Variants in MAP3K7CL observed in about 807,000 individuals in gnomAD.
MAP3K7CL encodes MAP3K7 C-terminal like.
In MAP3K7CL, 16 loss-of-function variants were observed where a neutral mutation model predicts 18.6. The observed-to-expected ratio is 0.86, with a 90% CI of 0.58 to 1.31. MAP3K7CL has a LOEUF of 1.31. MAP3K7CL is among the 50% of genes most tolerant of loss of function. The pLI is 0.00. For synonymous variants in MAP3K7CL, 65 were observed against 66.8 expected, an observed-to-expected ratio of 0.97 and a Z score of 0.13; for missense variants, 163 against 174.4, an observed-to-expected ratio of 0.93 and a Z score of 0.37.
chr21:29,110,403 CT>C (rs947594767), intron 4 of MAP3K7CL, among the ~76,000 whole-genome samples: 66 of 147,052 alleles, frequency 4.5e-4, no homozygotes, highest in Admixed American at 4.1e-4. Context: ...ATCTCTGTAT[CT>C]TTTTTTTTTT....
intron 4 of MAP3K7CL, among the ~76,000 whole-genome samples, chr21:29,097,007 G>A (rs913072144): frequency 1.3e-5 from 2 of 152,194 alleles, no homozygotes; most frequent in Non-Finnish European, 2.9e-5. Context: ...TAAGAACTCT[G>A]ATAGGAACTT....
At chr21:29,162,046 C>T (rs1266730195) in intron 4 of MAP3K7CL, among the ~76,000 whole-genome samples, 1 of 152,134 alleles carries the variant, frequency 6.6e-6, no homozygotes, top group Non-Finnish European at 1.5e-5. Context: ...GATAAAGTTG[C>T]TTGGAATACT....
At chr21:29,133,515 T>C (rs9636820) in intron 2 of MAP3K7CL, 101 bp downstream of exon 2, 139,153 of 768,368 alleles carry the variant, frequency 0.18, 13,776 homozygotes, top group East Asian at 0.4. Flanking sequence ...GTTGCATGCT[T>C]GCATGACCTG....
chr21:29,119,137 C>T (rs891982263), intron 4 of MAP3K7CL, among the ~76,000 whole-genome samples: 2 of 152,218 alleles, frequency 1.3e-5, no homozygotes, highest in South Asian at 4.1e-4. Context: ...CCTTTCTCTG[C>T]CACCTCCTTT....
At chr21:29,163,693 C>CTTTTTT (rs397866386) in intron 4 of MAP3K7CL, among the ~76,000 whole-genome samples, 1 of 126,004 alleles carries the variant, frequency 7.9e-6, no homozygotes, top group Non-Finnish European at 1.7e-5. Flanking sequence ...CCCTTTCTTC[C>CTTTTTT]TTTTTTTTTT....
rs2086522992 is a variant in MAP3K7CL, at chr21:29,117,539, A to C, written c.370+24958A>C. 2.0e-5 allele frequency among the ~76,000 whole-genome samples: 3 copies of C among 152,388 alleles called. No homozygotes were observed. In the South Asian group the frequency reaches 6.2e-4, roughly 32 times the overall value. On this transcript the variant is annotated intron_variant, in intron 4 of 6. Coordinates refer to the MAP3K7CL transcript ENST00000286791. ...AATTGAAAGTAGCTAAGCTAAAAAA[A>C]GGAAAATTGACAGGTGCCTTATTAG...
intron 1 of MAP3K7CL, among the ~76,000 whole-genome samples, chr21:29,131,879 G>A (rs2086787220): frequency 6.6e-6 from 1 of 152,052 alleles, no homozygotes; most frequent in African/African-American, 2.4e-5. Context: ...TCAGTGTTCT[G>A]GACACTATTT....
At chr21:29,114,270 T>C (rs1392283904) in intron 4 of MAP3K7CL, among the ~76,000 whole-genome samples, 2 of 152,142 alleles carry the variant, frequency 1.3e-5, no homozygotes, top group African/African-American at 4.8e-5. Context: ...GGTTTCGCCA[T>C]GTTGACCAGG....
intron 2 of MAP3K7CL, among the ~76,000 whole-genome samples, chr21:29,145,965 A>G (rs2087119508): frequency 6.6e-6 from 1 of 152,198 alleles, no homozygotes; most frequent in Non-Finnish European, 1.5e-5. Context: ...TGGCGTGACT[A>G]TAAATAAGGA....
At chr21:29,097,174 A>T (rs547948807) in intron 4 of MAP3K7CL, among the ~76,000 whole-genome samples, 15 of 152,162 alleles carry the variant, frequency 9.9e-5, no homozygotes, top group African/African-American at 3.1e-4. Flanking sequence ...GACACATAAT[A>T]CTGGGCAGAC....
At chr21:29,107,338 A>C (rs1200608581) in intron 4 of MAP3K7CL, among the ~76,000 whole-genome samples, 1 of 152,050 alleles carries the variant, frequency 6.6e-6, no homozygotes, top group Non-Finnish European at 1.5e-5. Flanking sequence ...AAGAAAACAA[A>C]AAAGTCTGAC....
intron 4 of MAP3K7CL, among the ~76,000 whole-genome samples, chr21:29,111,367 G>A (rs1175720775): frequency 1.3e-5 from 2 of 152,196 alleles, no homozygotes; most frequent in Non-Finnish European, 2.9e-5. Context: ...TAAGAGGCTG[G>A]CTGGTGTTCT....
chr21:29,114,606 G>A (rs915098275), intron 4 of MAP3K7CL, among the ~76,000 whole-genome samples: 9 of 152,014 alleles, frequency 5.9e-5, no homozygotes, highest in African/African-American at 2.2e-4. Context: ...GCCCAGGCTG[G>A]TCTCAAACTC....
chr21:29,164,032 G>A (rs996774483), intron 4 of MAP3K7CL, among the ~76,000 whole-genome samples: 15 of 151,680 alleles, frequency 9.9e-5, no homozygotes, highest in Non-Finnish European at 2.1e-4. Context: ...CTCGGGAGGT[G>A]GAGGTTGCAG....
At chr21:29,090,953 T>C (rs1441462028) in intron 1 of MAP3K7CL, among the ~76,000 whole-genome samples, 2 of 152,222 alleles carry the variant, frequency 1.3e-5, no homozygotes, top group African/African-American at 4.8e-5. Context: ...TTTTAAAATA[T>C]TTTATTTACT....
At chr21:29,090,450 A>G (rs4817263) in intron 1 of MAP3K7CL, among the ~76,000 whole-genome samples, 90,502 of 151,588 alleles carry the variant, frequency 0.6, 27,080 homozygotes, top group South Asian at 0.65. Flanking sequence ...GTGCAATCTC[A>G]GCTCACTGCA....
upstream of MAP3K7CL, among the ~76,000 whole-genome samples, chr21:29,126,266 T>G (rs535580422): frequency 7.2e-5 from 11 of 152,294 alleles, no homozygotes; most frequent in African/African-American, 2.6e-4. Flanking sequence ...GCTCTCTCTT[T>G]GTAAATAAAG....
upstream of MAP3K7CL, among the ~76,000 whole-genome samples, chr21:29,129,633 A>G (rs2086742341): frequency 6.6e-6 from 1 of 152,232 alleles, no homozygotes; most frequent in South Asian, 2.1e-4. Context: ...CCTGCTATAA[A>G]CATCTGTATG....
In MAP3K7CL at chr21:29,160,069, C is replaced by T. The variant is rs753378858; in HGVS notation, c.248+13C>T. On this transcript the variant is annotated intron_variant, in intron 4 of 4. Transcript: ENST00000399928. The stretch of plus-strand genomic sequence containing the variant: ...TTGAGCAAAGGAAGTAAGTACCTAC[C>T]CCCCTCACTCTACATCTGAGCACTG... 15 of 1,596,274 alleles carry T rather than the reference C, an allele frequency of 9.4e-6. No homozygotes were observed. The highest frequency in any genetic ancestry group is 6.6e-5 in the South Asian group (6 of 90,660).
Sources: allele counts gnomAD v4.1 joint callset (sites outside exome capture counted in the v4.1 genomes callset), GRCh38; gene constraint gnomAD v4.1.1; transcripts MANE v1.5; gene names NCBI Gene and HGNC (gene_info 2026-07-23, HGNC 2026-07-21).